Variants in KIAA1210 observed in about 807,000 individuals in gnomAD.
KIAA1210 encodes the protein KIAA1210, also known as acrosomal protein KIAA1210.
KIAA1210 carries 48 observed loss-of-function variants against 78.9 expected under a neutral mutation model. The ratio of observed to expected loss-of-function variants is 0.61; its 90% CI spans 0.48 to 0.77. The LOEUF is 0.77. KIAA1210 is among the 30% of genes least tolerant of loss of function. The pLI is 0.00. For synonymous variants in KIAA1210, 406 were observed against 404.5 expected (o/e 1.00, Z -0.04); for missense variants, 1,108 against 1,100.0 (o/e 1.01, Z -0.10).
chrX:119,140,510 C>T (rs995513711), intron 2 of KIAA1210, among the ~76,000 whole-genome samples: 3 of 84,782 alleles, frequency 3.5e-5, no homozygotes, highest in Non-Finnish European at 6.5e-5. Flanking sequence ...GCCTGAGCGA[C>T]GACAGAACAA....
upstream of KIAA1210, among the ~76,000 whole-genome samples, chrX:119,129,624 C>A (rs1390461299): frequency 9.0e-6 from 1 of 110,932 alleles, no homozygotes; most frequent in Non-Finnish European, 1.9e-5. Context: ...TTAGCAAGAC[C>A]TGTCTTCCCT....
intron 6 of KIAA1210, among the ~76,000 whole-genome samples, chrX:119,099,239 C>G (rs1244983967): frequency 1.8e-5 from 2 of 112,853 alleles, no homozygotes; most frequent in Non-Finnish European, 3.7e-5. Context: ...ACTTAATTTA[C>G]TTTAGTGAAA....
rs1172504198 is a variant in KIAA1210, at chrX:119,088,998, A to G, written c.1704T>C (p.Ser568=). 2.5e-6 allele frequency: 3 copies of G among 1,211,804 alleles called. No homozygotes were observed. Among genetic ancestry groups the G allele is most frequent in the African/African-American group, 3.5e-5 (2 of 57,823 alleles). The change falls in exon 9 of 12, where the codon AGT becomes AGC. Residue 568 remains serine, a synonymous_variant. Coordinates refer to ENST00000691062, the MANE Select transcript of KIAA1210 (RefSeq NM_001394962.1). ...SGNVHQTFTA[S]VLGMTSTTAK... Reference sequence around the variant, plus strand: ...CTGTAGTACTTGTCATACCCAAAACACTTGCTGTAAAGGTCTGGTGAACAT... The same window carrying G: ...CTGTAGTACTTGTCATACCCAAAACGCTTGCTGTAAAGGTCTGGTGAACAT...
Position 119,087,756 on chromosome X carries a change from A to G in KIAA1210, c.2946T>C (p.Ala982=). The part of the protein sequence containing the change: ...ISGSPLPPQY[A]TQFLKRSKVQ... The stretch of plus-strand genomic sequence containing the variant: ...CTTTAGACCTCTTTAAGAACTGGGT[A>G]GCATATTGGGGAGGCAATGGACTCC... Residue 982 remains alanine (A), a synonymous_variant, in exon 9 of 12, where the codon GCT becomes GCC. Coordinates refer to ENST00000691062, the MANE Select transcript of KIAA1210 (RefSeq NM_001394962.1). The G allele has an allele frequency of 8.3e-6, 10 of 1,211,781 alleles. No homozygotes were observed. Among genetic ancestry groups the G allele is most frequent in the Non-Finnish European group, 1.1e-5 (10 of 895,434 alleles).
Position 119,088,645 on chromosome X carries a change from G to C in KIAA1210, c.2057C>G (p.Thr686Ser), listed in dbSNP as rs200788082. The change falls in exon 9 of 12, where the codon ACT (threonine) becomes AGT (serine). Residue 686 changes from threonine to serine, a missense_variant. Thr to Ser is a moderately conservative substitution (Grantham distance 58). This residue lies in a region of KIAA1210 where 672 missense variants were observed against 607.1 expected (regional missense o/e 1.11). Transcript: ENST00000691062. ...ESSSYVEKYN[T>S]SDDCSSSEED... ...CTCTGAGCTGCTGCAATCATCAGAA[G>C]TGTTGTACTTTTCAACATAACTGCT... The C allele has an allele frequency of 1.1e-4, 133 of 1,210,009 alleles. No homozygotes were observed. In the African/African-American group the frequency reaches 2.2e-3, roughly 20 times the overall value.
In KIAA1210 at chrX:119,088,013, A is replaced by G; in HGVS notation, c.2689T>C (p.Trp897Arg). Residue 897 changes from tryptophan to arginine, a missense_variant, in exon 9 of 12, where the codon TGG (tryptophan) becomes CGG (arginine). Trp to Arg is a moderately radical substitution (Grantham distance 101). This residue lies in a region of KIAA1210 where 179 missense variants were observed against 174.1 expected (regional missense o/e 1.03). Transcript: ENST00000691062. The stretch of plus-strand genomic sequence containing the variant: ...GGTGTTGGTGCCACAGGACTGCTCC[A>G]TTCTGCAGAAGTACTCATTGAGTCC... Reference protein sequence around the residue: ...FLDSMSTSAEWSSPVAPTPSK... With the variant: ...FLDSMSTSAERSSPVAPTPSK... 2 of 1,211,140 alleles carry G rather than the reference A, an allele frequency of 1.7e-6. No homozygotes were observed. The highest frequency in any genetic ancestry group is 3.5e-5 in the South Asian group (2 of 56,930).
At chrX:119,082,979 G>T in intron 11 of KIAA1210, 36 bp downstream of exon 11, 1 of 966,309 alleles carries the variant, frequency 1.0e-6, no homozygotes, top group Non-Finnish European at 1.4e-6. Context: ...ATTCTGTCGG[G>T]GCTGTTTTTT....
chrX:119,143,404 G>A lies in KIAA1210; in HGVS notation c.410+4069C>T, dbSNP rs186132675. ...CTGGGAAACCAGCTGTCCCCAGAAA[G>A]CCTCTCTCTGGGTTCACAGAATGGA... On this transcript the variant is annotated intron_variant, in intron 2 of 13. Coordinates refer to the KIAA1210 transcript ENST00000402510. 3.0e-3 allele frequency among the ~76,000 whole-genome samples: 333 copies of A among 112,342 alleles called. 1 individual carries two copies. The highest frequency in any genetic ancestry group is 0.01 in the African/African-American group (319 of 30,923).
At chrX:119,130,896 C>T (rs1374580527), upstream of KIAA1210, among the ~76,000 whole-genome samples, 1 of 111,663 alleles carries the variant, frequency 9.0e-6, no homozygotes, top group African/African-American at 3.3e-5. Context: ...AGGCCAACCC[C>T]AGATGCTTAG....
intron 3 of KIAA1210, among the ~76,000 whole-genome samples, chrX:119,116,170 A>G (rs989320692): frequency 2.7e-5 from 3 of 111,941 alleles, no homozygotes; most frequent in African/African-American, 9.7e-5. Context: ...TGCAGGCCCC[A>G]CATCTCAAGT....
chrX:119,102,060 T>C (rs778789377), intron 6 of KIAA1210, among the ~76,000 whole-genome samples: 1 of 112,962 alleles, frequency 8.9e-6, no homozygotes, highest in African/African-American at 3.2e-5. Flanking sequence ...GGGCATTGGT[T>C]ATAAAAAGAG....
rs5903546 is a variant in KIAA1210 at position 119,125,735 on chromosome X, A to ATAT, written c.-11+1991_-11+1992insATA. ...AATACATATATATATATATATATAT[A>ATAT]TTTTTTTTTTTTTTTTTTTGGAGAG... On this transcript the variant is annotated intron_variant, in intron 1 of 11. Coordinates refer to ENST00000691062, the MANE Select transcript of KIAA1210 (RefSeq NM_001394962.1). Among the ~76,000 whole-genome samples, 2 of 15,792 alleles carry ATAT rather than the reference A, an allele frequency of 1.3e-4. 1 individual carries two copies. Among genetic ancestry groups the ATAT allele is most frequent in the Non-Finnish European group, 2.0e-4 (2 of 9,768 alleles). 13.7% of individuals were successfully genotyped at this position (15,792 alleles called of 115,157 possible). A position where few individuals can be genotyped will look rare whatever the true frequency, so the allele number is the denominator to read the frequency against.
chrX:119,134,122 C>T (rs1269032486), intron 2 of KIAA1210, among the ~76,000 whole-genome samples: 2 of 111,402 alleles, frequency 1.8e-5, no homozygotes, highest in Admixed American at 9.6e-5. Context: ...TTCATTCACC[C>T]CTGCCACCCA....
chrX:119,089,746 T>A lies in KIAA1210; in HGVS notation c.956A>T (p.Asp319Val), dbSNP rs1167629437. 3.4e-6 allele frequency: 4 copies of A among 1,191,047 alleles called. No individual in the cohort carries two copies. Among genetic ancestry groups the A allele is most frequent in the Middle Eastern group, 2.4e-4 (1 of 4,249 alleles). ...GTTGTTCTGTTTCTGGCTTGAGGAA[T>A]CTGCACCAAACAGAAATAAGGAAAG... Reference protein sequence around the residue: ...NEKKLGMDSADSSSQKQNNKT... With the variant: ...NEKKLGMDSAVSSSQKQNNKT... The change falls in exon 9 of 12, where the codon GAT becomes GTT. Residue 319 changes from aspartate to valine, a missense_variant and splice_region_variant. Physicochemically the swap from Asp to Val is radical, Grantham distance 152. This residue lies in a region of KIAA1210 where 672 missense variants were observed against 607.1 expected (regional missense o/e 1.11). Transcript: ENST00000691062.
intron 10 of KIAA1210, among the ~76,000 whole-genome samples, chrX:119,083,899 T>C (rs984462785): frequency 8.4e-4 from 83 of 98,264 alleles, no homozygotes; most frequent in Admixed American, 1.2e-3. Context: ...ATGGCGGGGA[T>C]GAAGGGGAAG....
chrX:119,116,835 G>T (rs989826318), intron 2 of KIAA1210, among the ~76,000 whole-genome samples, 171 bp from the exon 3 acceptor site: 17 of 111,328 alleles, frequency 1.5e-4, no homozygotes, highest in Admixed American at 7.6e-4. Context: ...TTGATTAGTC[G>T]TCCCCTTAAT....
rs1318385002 is a variant in KIAA1210, at chrX:119,088,778, A to T, written c.1924T>A (p.Ser642Thr). The T allele has an allele frequency of 8.3e-7, 1 of 1,211,397 alleles. No individual in the cohort carries two copies. The change falls in exon 9 of 12, where the codon TCA (serine) becomes ACA (threonine). Residue 642 changes from serine (S) to threonine (T), a missense_variant. Ser to Thr is a moderately conservative substitution (Grantham distance 58). This residue lies in a region of KIAA1210 where 672 missense variants were observed against 607.1 expected (regional missense o/e 1.11). Transcript: ENST00000691062. ...FEDEQEVFSE[S>T]KSFVEDLSSS... ...CTCAAGTCCTCAACAAAACTTTTTG[A>T]TTCTGAGAAGACTTCTTGTTCATCT...
intron 2 of KIAA1210, among the ~76,000 whole-genome samples, chrX:119,140,031 G>A (rs772885753): frequency 9.0e-6 from 1 of 111,654 alleles, no homozygotes; most frequent in Admixed American, 9.5e-5. Context: ...GGCATTCTTG[G>A]ATTCTATTAT....
upstream of KIAA1210, among the ~76,000 whole-genome samples, chrX:119,127,894 A>G (rs914086772): frequency 9.0e-6 from 1 of 111,132 alleles, no homozygotes; most frequent in Admixed American, 9.6e-5. Flanking sequence ...GAATAATTTT[A>G]TCACTTGTCT....
Sources: gnomAD v4.1 joint callset for allele counts (sites outside exome capture counted in the v4.1 genomes callset) on GRCh38, gnomAD v4.1.1 for gene constraint, gnomAD v4.1.1 regional missense constraint, MANE v1.5 for transcripts, NCBI Gene and HGNC (gene_info 2026-07-23, HGNC 2026-07-21) for gene names.